The following LRRK2 variants were observed in gnomAD, a reference collection of about 807,000 sequenced individuals.
LRRK2 encodes leucine rich repeat kinase 2.
In LRRK2, 203 loss-of-function variants were observed where a neutral mutation model predicts 302.6. That is an observed-to-expected ratio of 0.67 (90% confidence interval 0.60 to 0.75). LRRK2 has a LOEUF of 0.75. LRRK2 is among the 30% of genes least tolerant of loss of function. The pLI is 0.00. For synonymous variants in LRRK2, 1,066 were observed against 1,031.9 expected, an observed-to-expected ratio of 1.03 and a Z score of -0.63; for missense variants, 2,830 against 2,951.0, an observed-to-expected ratio of 0.96 and a Z score of 0.95.
At chr12:40,300,526 T>C (rs1416287782) in intron 25 of LRRK2, among the ~76,000 whole-genome samples, 1 of 152,212 alleles carries the variant, frequency 6.6e-6, no homozygotes. Flanking sequence ...AGTATTTTAA[T>C]TTGTCAGAGC....
At position 40,335,945 on chromosome 12, in the gene LRRK2, T is replaced by C. The variant is rs28365231; in HGVS notation, c.5948+788T>C. On this transcript the variant is annotated intron_variant, in intron 40 of 50. Coordinates refer to ENST00000298910, the MANE Select transcript of LRRK2 (RefSeq NM_198578.4). ...TCTTTTCAGCTCTGCCACCAAAATA[T>C]ATCTTAATGCTTCTAACAATTTCTC... Among the ~76,000 whole-genome samples the C allele has an allele frequency of 6.2e-4, 95 of 152,282 alleles. 5 individuals are homozygous for C. In the East Asian group the frequency reaches 0.018, roughly 29 times the overall value.
chr12:40,327,974 T>C (rs1945600996), intron 38 of LRRK2, among the ~76,000 whole-genome samples: 1 of 152,238 alleles, frequency 6.6e-6, no homozygotes, highest in Non-Finnish European at 1.5e-5. Flanking sequence ...ATGTGGCTTT[T>C]GATAGGCTGT....
At chr12:40,348,298 A>T in intron 42 of LRRK2, 111 bp from the exon 43 acceptor site, 2 of 746,346 alleles carry the variant, frequency 2.7e-6, no homozygotes, top group Non-Finnish European at 4.6e-6. Flanking sequence ...ATATAGGATT[A>T]TGGAGATAAT....
At chr12:40,357,761 A>T (rs1470972976) in intron 46 of LRRK2, among the ~76,000 whole-genome samples, 2 of 152,050 alleles carry the variant, frequency 1.3e-5, no homozygotes, top group Admixed American at 6.6e-5. Context: ...ATGTCTATTT[A>T]GATCCTTTGC....
chr12:40,300,861 A>T (rs1944597939), intron 25 of LRRK2: 1 of 471,066 alleles, frequency 2.1e-6, no homozygotes, highest in African/African-American at 2.0e-5. Flanking sequence ...CAGACTGTGG[A>T]GTCAGGAAAG....
rs764335168 is a variant in LRRK2 at position 40,283,837 on chromosome 12, G to A, written c.2242-38G>A. 8 of 1,554,642 alleles carry A rather than the reference G, an allele frequency of 5.1e-6. No homozygotes were observed. In the East Asian group the frequency reaches 1.9e-4, roughly 37 times the overall value. On this transcript the variant is annotated intron_variant, in intron 18 of 50. Transcript: ENST00000298910. Reference sequence around the variant, plus strand: ...CCAGTCTCCTAAAAGGAAGAAAAATGTAGATTTTTAATATACTTAATTTTT... The same window carrying A: ...CCAGTCTCCTAAAAGGAAGAAAAATATAGATTTTTAATATACTTAATTTTT...
rs576772174 is a variant in LRRK2, at chr12:40,364,458, A to G, written c.7182-384A>G. ...TATCGATATCTTTTACATGTGAATG[A>G]CTATAATTTTATGTTCCTTTGTAAC... On this transcript the variant is annotated intron_variant, in intron 48 of 50. Coordinates refer to ENST00000298910, the MANE Select transcript of LRRK2 (RefSeq NM_198578.4). Among the ~76,000 whole-genome samples the G allele has an allele frequency of 2.0e-5, 3 of 152,006 alleles. No individual in the cohort carries two copies. The East Asian group carries it at 5.8e-4, about 29-fold the overall frequency.
intron 18 of LRRK2, among the ~76,000 whole-genome samples, chr12:40,280,433 G>A (rs1943638884): frequency 1.3e-5 from 2 of 151,596 alleles, no homozygotes; most frequent in South Asian, 4.2e-4. Flanking sequence ...AGACCAGCCT[G>A]GGCAACATAG....
At position 40,287,461 on chromosome 12, in the gene LRRK2, A is replaced by G. The variant is rs281865044; in HGVS notation, c.2611A>G (p.Lys871Glu). 1.6e-5 allele frequency: 26 copies of G among 1,612,760 alleles called. No individual in the cohort carries two copies. The highest frequency in any genetic ancestry group is 1.9e-5 in the Non-Finnish European group (22 of 1,179,150). Residue 871 changes from lysine (K) to glutamate (E), a missense_variant, in exon 20 of 51, where the codon AAA (lysine) becomes GAA (glutamate). By Grantham distance (56) the Lys-to-Glu change is moderately conservative (BLOSUM62 1). Coordinates refer to ENST00000298910, the MANE Select transcript of LRRK2 (RefSeq NM_198578.4). ...AAATTTTTCTGAAGATGTGCTGTCTAAATTTGATGAATGGACCTTTATTCC... is the reference window on the plus strand; with the variant it reads ...AAATTTTTCTGAAGATGTGCTGTCTGAATTTGATGAATGGACCTTTATTCC... ...DGNFSEDVLS[K>E]FDEWTFIPDS...
At chr12:40,312,934 T>C (rs1425019714) in intron 31 of LRRK2, 1 of 148,372 alleles carries the variant, frequency 6.7e-6, no homozygotes, top group Non-Finnish European at 1.5e-5. Flanking sequence ...TCTAATTCTC[T>C]GGGTTAAGAG....
rs1009539367 is a variant in LRRK2 at position 40,258,213 on chromosome 12, ATTG to A, written c.1418+842_1418+844del. 4.6e-4 allele frequency among the ~76,000 whole-genome samples: 70 copies of A among 152,304 alleles called. 1 individual carries two copies. Among genetic ancestry groups the A allele is most frequent in the South Asian group, 4.3e-3 (21 of 4,828 alleles). ...TTTAAGCACTCAACAAATTGTGTCT[ATTG>A]TTGTTATACTGTTACTAAGTGTGAA... On this transcript the variant is annotated intron_variant, in intron 12 of 50. Coordinates refer to ENST00000298910, the MANE Select transcript of LRRK2 (RefSeq NM_198578.4).
chr12:40,348,932 T>C (rs1378632562), intron 43 of LRRK2, among the ~76,000 whole-genome samples: 2 of 152,048 alleles, frequency 1.3e-5, no homozygotes, highest in Non-Finnish European at 2.9e-5. Flanking sequence ...TTTTAATATA[T>C]ATAAATTTAA....
At chr12:40,247,298 T>G (rs1942026863) in intron 7 of LRRK2, among the ~76,000 whole-genome samples, 1 of 151,904 alleles carries the variant, frequency 6.6e-6, no homozygotes, top group Non-Finnish European at 1.5e-5. Context: ...TTGTTATTTC[T>G]TTCCTTGACA....
chr12:40,345,971 C>A (rs748630188), intron 41 of LRRK2, among the ~76,000 whole-genome samples: 8 of 152,128 alleles, frequency 5.3e-5, no homozygotes, highest in Non-Finnish European at 1.2e-4. Flanking sequence ...AGCATATCAT[C>A]TTAGAAAGTG....
At chr12:40,328,273 A>C in intron 38 of LRRK2, 87 bp from the exon 39 acceptor site, 1 of 1,011,446 alleles carries the variant, frequency 9.9e-7, no homozygotes, top group Admixed American at 1.8e-5. Context: ...CAAATTTACA[A>C]CAGATATAAT....
chr12:40,360,559 T>A (rs1337636503), intron 47 of LRRK2, among the ~76,000 whole-genome samples: 3 of 152,090 alleles, frequency 2.0e-5, no homozygotes, highest in African/African-American at 7.2e-5. Flanking sequence ...GATTATACTC[T>A]CTTCAACATA....
chr12:40,270,452 C>A (rs1384877478), intron 14 of LRRK2, among the ~76,000 whole-genome samples: 1 of 151,976 alleles, frequency 6.6e-6, no homozygotes, highest in African/African-American at 2.4e-5. Context: ...AAGTTTAATT[C>A]CCTGAATATT....
intron 2 of LRRK2, among the ~76,000 whole-genome samples, chr12:40,230,677 T>TC (rs1471005770): frequency 6.6e-6 from 1 of 151,758 alleles, no homozygotes; most frequent in Non-Finnish European, 1.5e-5. Flanking sequence ...TCTTTTTTTT[T>TC]TTTTTTTTGA....
intron 47 of LRRK2, among the ~76,000 whole-genome samples, chr12:40,360,919 T>A (rs906273528): frequency 6.6e-6 from 1 of 152,076 alleles, no homozygotes; most frequent in African/African-American, 2.4e-5. Context: ...GAGTGGCAGG[T>A]TAGGTGACTT....
Sources: allele counts gnomAD v4.1 joint callset (sites outside exome capture counted in the v4.1 genomes callset), GRCh38; gene constraint gnomAD v4.1.1; transcripts MANE v1.5; gene names NCBI Gene and HGNC (gene_info 2026-07-23, HGNC 2026-07-21).